PALM2AKAP2: variants seen among roughly 807,000 people sequenced by gnomAD.
PALM2AKAP2 encodes PALM2 and AKAP2 fusion, also known as PALM2-AKAP2 fusion protein.
In PALM2AKAP2, 37 loss-of-function variants were observed where a neutral mutation model predicts 71.5. That is an observed-to-expected ratio of 0.52 (90% CI 0.40 to 0.68). The LOEUF (loss-of-function observed/expected upper bound fraction) is 0.68. Ranked by LOEUF, PALM2AKAP2 falls within the 30% of genes least tolerant of loss-of-function variation. PALM2AKAP2 has a pLI of 0.00. For synonymous variants in PALM2AKAP2, 468 were observed against 478.8 expected (o/e 0.98, Z 0.29); for missense variants, 1,224 against 1,191.8 (o/e 1.03, Z -0.40).
chr9:109,703,066 G>A (rs768483335), intron 1 of PALM2AKAP2, among the ~76,000 whole-genome samples: 3 of 152,062 alleles, frequency 2.0e-5, no homozygotes, highest in South Asian at 2.1e-4. Flanking sequence ...TGATCTGCCC[G>A]CCTCGGCCTC....
intron 1 of PALM2AKAP2, among the ~76,000 whole-genome samples, chr9:109,711,043 A>G (rs1828227238): frequency 6.6e-6 from 1 of 152,202 alleles, no homozygotes; most frequent in South Asian, 2.1e-4. Context: ...CACAAGCATT[A>G]TAATTGCCAT....
intron 1 of PALM2AKAP2, among the ~76,000 whole-genome samples, chr9:109,769,468 C>T (rs558303319): frequency 6.6e-6 from 1 of 152,292 alleles, no homozygotes; most frequent in East Asian, 1.9e-4. Context: ...TTTGTTTTGG[C>T]TTGCACCAAC....
At chr9:109,843,711 A>G (rs1457905226) in intron 1 of PALM2AKAP2, among the ~76,000 whole-genome samples, 1 of 152,152 alleles carries the variant, frequency 6.6e-6, no homozygotes, top group African/African-American at 2.4e-5. Context: ...CTTGCTTATT[A>G]AAGGAAAGTG....
At chr9:110,033,704 AT>A (rs1307657905) in intron 7 of PALM2AKAP2, among the ~76,000 whole-genome samples, 2 of 152,238 alleles carry the variant, frequency 1.3e-5, no homozygotes, top group Admixed American at 1.3e-4. Context: ...ATCAAAAAAT[AT>A]TTTAATTAAA....
intron 3 of PALM2AKAP2, among the ~76,000 whole-genome samples, chr9:109,912,034 T>A (rs1040124070): frequency 6.6e-6 from 1 of 152,170 alleles, no homozygotes; most frequent in East Asian, 1.9e-4. Context: ...GCTTTTATTA[T>A]GATATCTGTT....
chr9:109,872,680 C>G (rs1829632040), intron 2 of PALM2AKAP2, among the ~76,000 whole-genome samples: 1 of 152,140 alleles, frequency 6.6e-6, no homozygotes, highest in Admixed American at 6.6e-5. Flanking sequence ...AATTGTGACC[C>G]TGTGAAATAT....
At chr9:109,974,061 G>A (rs1398793724) in intron 6 of PALM2AKAP2, among the ~76,000 whole-genome samples, 1 of 152,230 alleles carries the variant, frequency 6.6e-6, no homozygotes, top group Non-Finnish European at 1.5e-5. Flanking sequence ...AGTATGACTG[G>A]TATGTGCTTC....
chr9:109,709,715 G>A (rs1277219473), intron 1 of PALM2AKAP2, among the ~76,000 whole-genome samples: 1 of 152,108 alleles, frequency 6.6e-6, no homozygotes, highest in African/African-American at 2.4e-5. Flanking sequence ...ATGGACACAG[G>A]CATCAGGGAA....
chr9:110,135,704 T>G (rs1263537150), intron 1 of PALM2AKAP2, among the ~76,000 whole-genome samples: 1 of 152,228 alleles, frequency 6.6e-6, no homozygotes, highest in African/African-American at 2.4e-5. Flanking sequence ...AAAAGTTTCT[T>G]GTCTCCAGAA....
Position 109,959,155 on chromosome 9 carries a change from T to C in PALM2AKAP2, c.496+27127T>C, listed in dbSNP as rs144030442. 9.9e-4 allele frequency among the ~76,000 whole-genome samples: 151 copies of C among 152,280 alleles called. 1 individual carries two copies. Among genetic ancestry groups the C allele is most frequent in the African/African-American group, 3.4e-3 (140 of 41,546 alleles). ...GTGAGCAACAGGCTGACAGTGCTTC[T>C]CTCCACAGACAATGTTTAACTCTGG... is the stretch of plus-strand genomic sequence containing the variant. On this transcript the variant is annotated intron_variant, in intron 6 of 9. Transcript: ENST00000302798.
At chr9:109,653,960 T>C (rs1397749837) in intron 1 of PALM2AKAP2, among the ~76,000 whole-genome samples, 3 of 152,190 alleles carry the variant, frequency 2.0e-5, no homozygotes, top group African/African-American at 7.2e-5. Context: ...TACATGTGGA[T>C]AGGCAAAGTC....
intron 3 of PALM2AKAP2, among the ~76,000 whole-genome samples, chr9:110,165,284 TCACACACACACACACACACACACACACA>T (rs58758256): frequency 2.1e-5 from 3 of 142,270 alleles, no homozygotes; most frequent in East Asian, 4.1e-4. Context: ...TGCTAGAGAT[TCACACACACACACACACACACACACACA>T]CACACACACA....
At chr9:109,681,861 A>C (rs1238501299) in intron 1 of PALM2AKAP2, among the ~76,000 whole-genome samples, 1 of 152,132 alleles carries the variant, frequency 6.6e-6, no homozygotes, top group Non-Finnish European at 1.5e-5. Context: ...TTTCAGATTA[A>C]GTTTAATCAG....
intron 6 of PALM2AKAP2, among the ~76,000 whole-genome samples, chr9:109,957,752 A>G (rs898410851): frequency 6.6e-6 from 1 of 152,214 alleles, no homozygotes; most frequent in Non-Finnish European, 1.5e-5. Context: ...ATATAATGCT[A>G]TGAGGGCCCC....
intron 1 of PALM2AKAP2, among the ~76,000 whole-genome samples, chr9:109,833,991 T>C (rs762580561): frequency 9.9e-5 from 15 of 152,170 alleles, no homozygotes; most frequent in Non-Finnish European, 2.2e-4. Context: ...GGCGGGCAGA[T>C]CACCTGAGGT....
intron 7 of PALM2AKAP2, among the ~76,000 whole-genome samples, chr9:110,036,876 C>T (rs918381724): frequency 2.0e-5 from 3 of 152,134 alleles, no homozygotes; most frequent in East Asian, 1.9e-4. Context: ...CACTTCCTTC[C>T]ATTCTCCAGG....
At chr9:110,092,022 G>GT in intron 1 of PALM2AKAP2, among the ~76,000 whole-genome samples, 1 of 152,298 alleles carries the variant, frequency 6.6e-6, no homozygotes, top group South Asian at 2.1e-4. Context: ...CATGTGAAAG[G>GT]TTGCCTGAGA....
At chr9:109,772,052 G>A (rs540574047) in intron 1 of PALM2AKAP2, 1 of 152,594 alleles carries the variant, frequency 6.6e-6, no homozygotes, top group African/African-American at 2.4e-5. Flanking sequence ...GGGGAGGCCA[G>A]AGAGCTGCTG....
At chr9:110,162,069 C>A in intron 3 of PALM2AKAP2, 25 bp from the exon 10 acceptor site, 1 of 1,613,774 alleles carries the variant, frequency 6.2e-7, no homozygotes, top group Non-Finnish European at 8.5e-7. Context: ...CATGTACTAA[C>A]CCTGGTCTTT....
Sources: allele counts gnomAD v4.1 joint callset (sites outside exome capture counted in the v4.1 genomes callset), GRCh38; gene constraint gnomAD v4.1.1; transcripts MANE v1.5; gene names NCBI Gene and HGNC (gene_info 2026-07-23, HGNC 2026-07-21).